Variants in SCN11A observed in about 807,000 individuals in gnomAD.
SCN11A encodes the protein sodium voltage-gated channel alpha subunit 11.
Under a neutral mutation model 162.2 loss-of-function variants are expected in SCN11A, and 122 were observed. The ratio of observed to expected loss-of-function variants is 0.75; its 90% confidence interval spans 0.65 to 0.87. The LOEUF (loss-of-function observed/expected upper bound fraction) is 0.87, where lower values mean the gene tolerates loss of function less well. Ranked by LOEUF, SCN11A falls within the 40% of genes least tolerant of loss-of-function variation. The probability of loss-of-function intolerance (pLI) is 0.00; values close to 1 mark genes in which losing one functional copy is unlikely to be tolerated. For synonymous variants in SCN11A, 758 were observed against 751.5 expected (o/e 1.01, Z -0.14); for missense variants, 2,015 against 2,181.6 (o/e 0.92, Z 1.52).
chr3:39,001,132 G>A (rs2030798467), intron 2 of SCN11A, among the ~76,000 whole-genome samples: 1 of 152,132 alleles, frequency 6.6e-6, no homozygotes, highest in Non-Finnish European at 1.5e-5. Context: ...TTTTTAGTGA[G>A]GTAAAATTCA....
intron 2 of SCN11A, among the ~76,000 whole-genome samples, chr3:38,981,133 A>G (rs9824382): frequency 0.07 from 10,673 of 152,232 alleles, 1,199 homozygotes; most frequent in African/African-American, 0.24. Context: ...ATTTTCCACT[A>G]GTATGACACA....
At chr3:38,884,708 G>C (rs1456708927) in intron 21 of SCN11A, among the ~76,000 whole-genome samples, 1 of 152,178 alleles carries the variant, frequency 6.6e-6, no homozygotes, top group African/African-American at 2.4e-5. Context: ...AGGAAAGCCT[G>C]CATTTATTGA....
At position 38,896,838 on chromosome 3, in the gene SCN11A, C is replaced by T. The variant is rs765881816; in HGVS notation, c.2403+7G>A. 21 of 1,410,416 alleles carry T rather than the reference C, an allele frequency of 1.5e-5. No individual in the cohort carries two copies. Among genetic ancestry groups the T allele is most frequent in the Admixed American group, 2.6e-5 (1 of 38,492 alleles). 87.4% of individuals were successfully genotyped at this position (1,410,416 alleles called of 1,614,324 possible). A position where few individuals can be genotyped will look rare whatever the true frequency, so the allele number is the denominator to read the frequency against. ...TTTTTTTTTTGAAAAAAATCTAAGA[C>T]ACATACCACAAGTTTTCCTATCACC... is the stretch of plus-strand genomic sequence containing the variant. On this transcript the variant is annotated splice_region_variant and intron_variant, in intron 18 of 29. Transcript: ENST00000302328.
chr3:38,962,932 C>CA (rs2066750734), intron 2 of SCN11A, among the ~76,000 whole-genome samples: 2 of 151,514 alleles, frequency 1.3e-5, no homozygotes, highest in Non-Finnish European at 2.9e-5. Flanking sequence ...TACAAATGGC[C>CA]AACAAACGTG....
chr3:38,927,263 G>A (rs537444103), intron 7 of SCN11A, among the ~76,000 whole-genome samples: 14 of 152,162 alleles, frequency 9.2e-5, no homozygotes, highest in Non-Finnish European at 2.1e-4. Flanking sequence ...TCACTCTGAT[G>A]TACAGAAGGA....
chr3:38,983,158 A>G (rs2030120009), intron 2 of SCN11A, among the ~76,000 whole-genome samples: 1 of 152,134 alleles, frequency 6.6e-6, no homozygotes, highest in African/African-American at 2.4e-5. Context: ...TTTCCTTTAT[A>G]GTACCTGAGT....
rs375101526 is a variant in SCN11A, at chr3:38,894,513, C to G, written c.2835+20G>C. 12 of 1,569,836 alleles carry G rather than the reference C, an allele frequency of 7.6e-6. No individual in the cohort carries two copies. The highest frequency in any genetic ancestry group is 1.0e-5 in the Non-Finnish European group (12 of 1,156,948). On this transcript the variant is annotated intron_variant, in intron 19 of 29. Transcript: ENST00000302328. ...CTCCAGCTTTGTATGACCTTTAAGT[C>G]TATGTGTGAACCTTCATACCTGTTG...
Position 38,894,913 on chromosome 3 carries a change from T to C in SCN11A, c.2455A>G (p.Arg819Gly), listed in dbSNP as rs1553637085. ...GCCTCTCCTTCTAAGTTTCCATTTCTTTCCTCATTGCTAAAGGAATTGAGC... is the reference window on the plus strand; with the variant it reads ...GCCTCTCCTTCTAAGTTTCCATTTCCTTCCTCATTGCTAAAGGAATTGAGC... ...LLLNSFSNEE[R>G]NGNLEGEARK... is the part of the protein sequence containing the mutation. The change falls in exon 19 of 30, where the codon AGA (arginine) becomes GGA (glycine). Residue 819 changes from arginine to glycine, a missense_variant. Arg to Gly is a moderately radical substitution (Grantham distance 125). Coordinates refer to ENST00000302328, the MANE Select transcript of SCN11A (RefSeq NM_001349253.2). The C allele has an allele frequency of 2.5e-6, 4 of 1,614,078 alleles. No homozygotes were observed. The highest frequency in any genetic ancestry group is 3.4e-6 in the Non-Finnish European group (4 of 1,179,964).
chr3:38,897,457 C>T (rs931926291), intron 17 of SCN11A, among the ~76,000 whole-genome samples: 3 of 152,234 alleles, frequency 2.0e-5, no homozygotes, highest in Non-Finnish European at 2.9e-5. Context: ...TGGCTCACGC[C>T]TGTAATCCCA....
intron 11 of SCN11A, among the ~76,000 whole-genome samples, chr3:38,914,888 T>C (rs949463836): frequency 3.9e-5 from 6 of 152,216 alleles, no homozygotes; most frequent in African/African-American, 1.4e-4. Context: ...GCAAGTATTT[T>C]GTTGAGGATT....
rs2066150375 is a variant in SCN11A at position 38,926,860 on chromosome 3, T to G, written c.560A>C (p.Glu187Ala). Residue 187 changes from glutamate to alanine, a missense_variant, in exon 8 of 30, where the codon GAG (glutamate) becomes GCG (alanine). Coordinates refer to ENST00000302328, the MANE Select transcript of SCN11A (RefSeq NM_001349253.2). ...CCATGGATCTCGAAGGAAAGAAAAC[T>G]CATCCAGAATGAAACCTCTTGCCAA... is the stretch of plus-strand genomic sequence containing the variant. ...KILARGFILD[E>A]FSFLRDPWNW... 1.2e-6 allele frequency: 2 copies of G among 1,612,994 alleles called. No homozygotes were observed. Among genetic ancestry groups the G allele is most frequent in the Non-Finnish European group, 1.7e-6 (2 of 1,179,116 alleles).
At chr3:38,926,654 G>A (rs1007076996) in intron 8 of SCN11A, 149 bp downstream of exon 8, 19 of 788,030 alleles carry the variant, frequency 2.4e-5, no homozygotes, top group Non-Finnish European at 3.7e-5. Context: ...TGCACGTGCT[G>A]TTCAGGGCCA....
intron 2 of SCN11A, among the ~76,000 whole-genome samples, chr3:38,977,933 G>C (rs1312689683): frequency 6.6e-6 from 1 of 152,106 alleles, no homozygotes; most frequent in Non-Finnish European, 1.5e-5. Flanking sequence ...ACCATCTTCA[G>C]CCTCTCCCCA....
intron 2 of SCN11A, among the ~76,000 whole-genome samples, chr3:38,968,497 C>A (rs1234581050): frequency 6.6e-6 from 1 of 152,236 alleles, no homozygotes. Context: ...TCCCTTCATA[C>A]ATTCTAAAAT....
chr3:39,035,671 G>A (rs184386327), intron 1 of SCN11A, among the ~76,000 whole-genome samples: 228 of 151,718 alleles, frequency 1.5e-3, no homozygotes, highest in African/African-American at 5.1e-3. Flanking sequence ...ATGGAGTCTC[G>A]CTCTGTTGCC....
chr3:39,035,322 A>T (rs1274194215), intron 1 of SCN11A, among the ~76,000 whole-genome samples: 2 of 152,240 alleles, frequency 1.3e-5, no homozygotes, highest in Non-Finnish European at 2.9e-5. Flanking sequence ...CTTTTGATAA[A>T]GGTGCCAAGT....
At chr3:38,942,041 G>A (rs2066450336) in intron 7 of SCN11A, among the ~76,000 whole-genome samples, 1 of 152,056 alleles carries the variant, frequency 6.6e-6, no homozygotes, top group African/African-American at 2.4e-5. Context: ...AAGAGCTTAA[G>A]AAAGCTGAAG....
intron 7 of SCN11A, among the ~76,000 whole-genome samples, chr3:38,939,979 G>C (rs1196710853): frequency 1.3e-5 from 2 of 150,580 alleles, no homozygotes; most frequent in Non-Finnish European, 3.0e-5. Flanking sequence ...AACAAATGCT[G>C]ACAACAAATT....
chr3:38,965,103 C>A (rs2066773608), intron 2 of SCN11A, among the ~76,000 whole-genome samples: 1 of 152,166 alleles, frequency 6.6e-6, no homozygotes, highest in Non-Finnish European at 1.5e-5. Context: ...TGAGGAAGCA[C>A]AGAATCCGTG....
Sources: allele counts gnomAD v4.1 joint callset (sites outside exome capture counted in the v4.1 genomes callset), GRCh38; gene constraint gnomAD v4.1.1; transcripts MANE v1.5; gene names NCBI Gene and HGNC (gene_info 2026-07-23, HGNC 2026-07-21).